The following ANKRD30A variants were observed in gnomAD, a reference collection of about 807,000 sequenced individuals.
The protein encoded by ANKRD30A is ankyrin repeat domain 30A, also known as ankyrin repeat domain-containing protein 30A.
ANKRD30A carries 170 observed loss-of-function variants against 166.3 expected under a neutral mutation model. That is an observed-to-expected ratio of 1.02 (90% CI 0.90 to 1.16). ANKRD30A has a LOEUF of 1.16. Among genes scored for constraint, ANKRD30A ranks in the 50% most tolerant of loss-of-function variants. ANKRD30A has a pLI of 0.00. For synonymous variants in ANKRD30A, 564 were observed against 508.9 expected (o/e 1.11, Z -1.46); for missense variants, 1,630 against 1,518.0 (o/e 1.07, Z -1.23).
intron 30 of ANKRD30A, among the ~76,000 whole-genome samples, chr10:37,200,743 C>T (rs1255985896): frequency 1.3e-5 from 2 of 151,980 alleles, no homozygotes; most frequent in Admixed American, 6.6e-5. Flanking sequence ...GCTTTTTCAA[C>T]ATTCTGTACA....
intron 31 of ANKRD30A, among the ~76,000 whole-genome samples, chr10:37,203,696 T>G (rs2993677): frequency 0.57 from 85,977 of 152,004 alleles, 24,848 homozygotes; most frequent in African/African-American, 0.64. Flanking sequence ...AAGTCAAATT[T>G]TCCCTGTTTG....
chr10:37,143,334 A>C (rs1346232643), intron 7 of ANKRD30A, among the ~76,000 whole-genome samples: 1 of 152,166 alleles, frequency 6.6e-6, no homozygotes, highest in South Asian at 2.1e-4. Context: ...GAGATTGGCA[A>C]ACTTTTCCTG....
At chr10:37,166,276 G>T (rs1475107677) in intron 18 of ANKRD30A, among the ~76,000 whole-genome samples, 1 of 152,270 alleles carries the variant, frequency 6.6e-6, no homozygotes, top group East Asian at 1.9e-4. Flanking sequence ...ATTTATTTTT[G>T]ATGAGGACTA....
At chr10:37,247,421 T>C in the ANKRD30A span, among the ~76,000 whole-genome samples, 1 of 152,174 alleles carries the variant, frequency 6.6e-6, no homozygotes, top group Admixed American at 6.5e-5. Context: ...ATTATAAAAA[T>C]GGTATTTTAT....
At chr10:37,229,757 G>A (rs892543929) in intron 34 of ANKRD30A, among the ~76,000 whole-genome samples, 1 of 151,774 alleles carries the variant, frequency 6.6e-6, no homozygotes, top group Non-Finnish European at 1.5e-5. Flanking sequence ...ACCTTAAAAT[G>A]TACCCTTTTG....
chr10:37,217,631 A>G, intron 32 of ANKRD30A, 64 bp from the exon 33 acceptor site: 2 of 1,325,112 alleles, frequency 1.5e-6, no homozygotes, highest in Non-Finnish European at 2.0e-6. Flanking sequence ...AGGAAGAAAT[A>G]GATCTCAAAA....
intron 31 of ANKRD30A, among the ~76,000 whole-genome samples, chr10:37,215,325 GAC>G (rs754096241): frequency 6.0e-5 from 9 of 151,236 alleles, no homozygotes; most frequent in Non-Finnish European, 1.0e-4. Context: ...AATTTTGTAA[GAC>G]CCCCCCGACC....
rs1167344113 is a variant in ANKRD30A at position 37,132,251 on chromosome 10, A to G, written c.522A>G (p.Thr174=). The G allele has an allele frequency of 2.5e-6, 4 of 1,588,812 alleles. No individual in the cohort carries two copies. The highest frequency in any genetic ancestry group is 1.2e-5 in the South Asian group (1 of 84,230). The part of the protein sequence containing the change: ...VIEVHNKASL[T]PLLLSITKRS... ...TTGCTATTTTACAGGCTAGCCTCAC[A>G]CCACTTTTACTATCCATAACGAAAA... Residue 174 remains threonine, a synonymous_variant, in exon 4 of 36, where the codon ACA becomes ACG. Transcript: ENST00000361713.
chr10:37,197,459 A>G lies in ANKRD30A; in HGVS notation c.2695A>G (p.Asn899Asp), dbSNP rs376651697. The change falls in exon 29 of 36, where the codon AAT (asparagine) becomes GAT (aspartate). Residue 899 changes from asparagine (N) to aspartate (D), a missense_variant. Coordinates refer to ENST00000361713, the MANE Select transcript of ANKRD30A (RefSeq NM_052997.3). The part of the protein sequence containing the change: ...SVPNKALELK[N>D]EQTLRADQMF... ...TCCAAATAAAGCCTTGGAATTGAAG[A>G]ATGAACAAACATTGAGAGCAGGTAC... The G allele has an allele frequency of 5.6e-5, 90 of 1,612,408 alleles. No individual in the cohort carries two copies. Among genetic ancestry groups the G allele is most frequent in the Admixed American group, 2.3e-4 (14 of 59,982 alleles).
chr10:37,178,732 G>T (rs1274443354), intron 24 of ANKRD30A, among the ~76,000 whole-genome samples: 2 of 150,394 alleles, frequency 1.3e-5, no homozygotes, highest in Admixed American at 1.3e-4. Context: ...ATTTTAACAG[G>T]TGTCGAATGG....
chr10:37,203,888 A>G (rs1029273449), intron 31 of ANKRD30A, among the ~76,000 whole-genome samples: 14 of 152,210 alleles, frequency 9.2e-5, no homozygotes, highest in East Asian at 1.9e-4. Context: ...CCCATTCACA[A>G]TTGCTTCAAA....
chr10:37,224,873 T>C (rs927440313), intron 34 of ANKRD30A, among the ~76,000 whole-genome samples: 7 of 151,786 alleles, frequency 4.6e-5, no homozygotes, highest in African/African-American at 1.7e-4. Context: ...TCTATTTTTC[T>C]ACTTTGAATA....
At chr10:37,160,456 G>T (rs1325619030) in intron 15 of ANKRD30A, among the ~76,000 whole-genome samples, 2 of 152,056 alleles carry the variant, frequency 1.3e-5, no homozygotes, top group South Asian at 2.1e-4. Flanking sequence ...TTAGGCCCCC[G>T]GTGTATTTGT....
At chr10:37,194,517 T>C (rs1285676145) in intron 27 of ANKRD30A, among the ~76,000 whole-genome samples, 2 of 151,978 alleles carry the variant, frequency 1.3e-5, no homozygotes, top group Non-Finnish European at 2.9e-5. Flanking sequence ...ATGTTTTGTA[T>C]TTTTAGTAGA....
intron 19 of ANKRD30A, among the ~76,000 whole-genome samples, chr10:37,168,044 T>C (rs1839494235): frequency 2.2e-5 from 1 of 46,472 alleles, no homozygotes; most frequent in African/African-American, 9.2e-5. Flanking sequence ...TCCTTATCAG[T>C]CAGCATATAC....
the ANKRD30A span, among the ~76,000 whole-genome samples, chr10:37,251,779 T>G: frequency 1.3e-5 from 2 of 152,192 alleles, no homozygotes; most frequent in African/African-American, 4.8e-5. Flanking sequence ...ACTTTGCTTA[T>G]TTTCATGTGA....
rs759312955 is a variant in ANKRD30A, at chr10:37,145,022, A to G, written c.1421A>G (p.Gln474Arg). 103 of 1,602,598 alleles carry G rather than the reference A, an allele frequency of 6.4e-5. No individual in the cohort carries two copies. The highest frequency in any genetic ancestry group is 7.6e-5 in the Non-Finnish European group (89 of 1,174,492). Reference sequence around the variant, plus strand: ...CAGAGGTTCCCATCAGAATCCAAACAAGAGGAAGATGAAGAATATTCTTGT... The same window carrying G: ...CAGAGGTTCCCATCAGAATCCAAACGAGAGGAAGATGAAGAATATTCTTGT... The part of the protein sequence containing the change: ...NDQRFPSESK[Q>R]EEDEEYSCDS... Residue 474 changes from glutamine (Q) to arginine (R), a missense_variant, in exon 8 of 36, where the codon CAA becomes CGA. Gln to Arg is a conservative substitution (Grantham distance 43). Around this residue, in one of 4 missense-constraint regions of ANKRD30A, gnomAD observed 904 missense variants for 818.5 expected, o/e 1.10. Coordinates refer to ENST00000361713, the MANE Select transcript of ANKRD30A (RefSeq NM_052997.3).
chr10:37,232,697 T>TAGAGAGAGAGAGAGAGAG (rs5784546), downstream of ANKRD30A: 11 of 78,408 alleles, frequency 1.4e-4, no homozygotes, highest in African/African-American at 4.9e-4. Context: ...TATATATAAA[T>TAGAGAGAGAGAGAGAGAG]AGAGAGAGAG....
chr10:37,152,925 C>T (rs1169898788), intron 12 of ANKRD30A, among the ~76,000 whole-genome samples: 1 of 152,094 alleles, frequency 6.6e-6, no homozygotes, highest in Admixed American at 6.5e-5. Flanking sequence ...AAGACTTTAA[C>T]ACTTGTTTGC....
Sources: gnomAD v4.1 joint callset for allele counts (sites outside exome capture counted in the v4.1 genomes callset) on GRCh38, gnomAD v4.1.1 for gene constraint, gnomAD v4.1.1 regional missense constraint, MANE v1.5 for transcripts, NCBI Gene and HGNC (gene_info 2026-07-23, HGNC 2026-07-21) for gene names.